VPS13D: variants seen among roughly 807,000 people sequenced by gnomAD.
VPS13D encodes the protein intermembrane lipid transfer protein VPS13D.
VPS13D carries 187 observed loss-of-function variants against 461.9 expected under a neutral mutation model. That is an observed-to-expected ratio of 0.40 (90% CI 0.36 to 0.46). The LOEUF (loss-of-function observed/expected upper bound fraction) is 0.46, where lower values mean the gene tolerates loss of function less well. Ranked by LOEUF, VPS13D falls within the 20% of genes least tolerant of loss-of-function variation. The pLI is 0.60. For synonymous variants in VPS13D, 1,951 were observed against 1,986.3 expected (o/e 0.98, Z 0.47); for missense variants, 4,711 against 5,364.9 (o/e 0.88, Z 3.81).
At chr1:12,498,528 C>T (rs183285933) in intron 68 of VPS13D, among the ~76,000 whole-genome samples, 6 of 152,182 alleles carry the variant, frequency 3.9e-5, no homozygotes, top group Admixed American at 2.0e-4. Context: ...TGTTGCTTGC[C>T]GGATAGAATG....
chr1:12,426,697 G>T (rs1644927845), intron 65 of VPS13D, among the ~76,000 whole-genome samples: 1 of 152,154 alleles, frequency 6.6e-6, no homozygotes, highest in Non-Finnish European at 1.5e-5. Context: ...ATGTTGGGGA[G>T]AGTGTGTTAT....
At chr1:12,246,714 C>G (rs1261753896) in intron 5 of VPS13D, among the ~76,000 whole-genome samples, 1 of 152,156 alleles carries the variant, frequency 6.6e-6, no homozygotes, top group Non-Finnish European at 1.5e-5. Context: ...TAGTCCTGAG[C>G]TTTACCAGGC....
intron 67 of VPS13D, among the ~76,000 whole-genome samples, chr1:12,463,925 G>T (rs1645446198): frequency 6.6e-6 from 1 of 152,164 alleles, no homozygotes; most frequent in South Asian, 2.1e-4. Flanking sequence ...CTTCTCAGGG[G>T]TTTGAAGCCC....
chr1:12,267,421 A>C (rs532065849), intron 14 of VPS13D, among the ~76,000 whole-genome samples: 9 of 152,276 alleles, frequency 5.9e-5, no homozygotes, highest in Admixed American at 5.9e-4. Flanking sequence ...TTTAAAATAT[A>C]ATATACGTTA....
At chr1:12,335,881 A>G (rs759491093) in intron 39 of VPS13D, 54 bp downstream of exon 39, 46 of 1,608,294 alleles carry the variant, frequency 2.9e-5, no homozygotes, top group African/African-American at 2.0e-4. Context: ...CTACAAAGCA[A>G]TGCTTCACTG....
At chr1:12,376,738 GTGGTACCC>G (rs1644204012) in intron 55 of VPS13D, among the ~76,000 whole-genome samples, 1 of 152,214 alleles carries the variant, frequency 6.6e-6, no homozygotes, top group South Asian at 2.1e-4. Flanking sequence ...AAATGAGTTT[GTGGTACCC>G]TGATGTGTCT....
At position 12,308,621 on chromosome 1, in the gene VPS13D, G is replaced by A; in HGVS notation, c.6630G>A (p.Gln2210=). The change falls in exon 27 of 70, where the codon CAG becomes CAA. Residue 2210 remains glutamine (Q), a synonymous_variant. Transcript: ENST00000620676. The part of the protein sequence containing the change: ...LLTEPCRLKL[Q]VERNLDKEIS... ...CCGAGCCTTGTAGGCTGAAATTGCAGGTGGAAAGGAATTTGGACAAGTGAG... is the reference window on the plus strand; with the variant it reads ...CCGAGCCTTGTAGGCTGAAATTGCAAGTGGAAAGGAATTTGGACAAGTGAG... The A allele has an allele frequency of 6.2e-7, 1 of 1,613,742 alleles. No homozygotes were observed. Among genetic ancestry groups the A allele is most frequent in the Non-Finnish European group, 8.5e-7 (1 of 1,179,938 alleles).
intron 65 of VPS13D, among the ~76,000 whole-genome samples, chr1:12,455,511 G>C (rs953279014): frequency 6.6e-6 from 1 of 152,210 alleles, no homozygotes; most frequent in Admixed American, 6.5e-5. Flanking sequence ...GCAAAGCCTA[G>C]TGTCCTCCAT....
chr1:12,288,235 T>C lies in VPS13D; in HGVS notation c.5647T>C (p.Ser1883Pro). Residue 1883 changes from serine to proline, a missense_variant, in exon 22 of 70, where the codon TCT becomes CCT. By Grantham distance (74) the Ser-to-Pro change is moderately conservative (BLOSUM62 -1). This residue lies in a region of VPS13D where 4,411 missense variants were observed against 4,937.8 expected (regional missense o/e 0.89). Transcript: ENST00000620676. Reference sequence around the variant, plus strand: ...TGTCTGTTCCTAGGTTCATTCACTTTCTCTAGTGCTGAATAAGACCACCAG... The same window carrying C: ...TGTCTGTTCCTAGGTTCATTCACTTCCTCTAGTGCTGAATAAGACCACCAG... ...TKLDLKVHSL[S>P]LVLNKTTSEL... is the part of the protein sequence containing the mutation. The C allele has an allele frequency of 6.2e-7, 1 of 1,613,130 alleles. No individual in the cohort carries two copies. Among genetic ancestry groups the C allele is most frequent in the Non-Finnish European group, 8.5e-7 (1 of 1,179,266 alleles).
chr1:12,451,177 A>C (rs934280180), intron 65 of VPS13D, among the ~76,000 whole-genome samples: 3 of 152,216 alleles, frequency 2.0e-5, no homozygotes, highest in Non-Finnish European at 4.4e-5. Flanking sequence ...TTTCAGTTTT[A>C]GAAAATCAAC....
At chr1:12,508,521 C>A (rs910705076) in intron 69 of VPS13D, among the ~76,000 whole-genome samples, 1 of 141,334 alleles carries the variant, frequency 7.1e-6, no homozygotes, top group African/African-American at 2.7e-5. Flanking sequence ...CTGGCTAACA[C>A]GGTGAAACCC....
chr1:12,320,006 T>G (rs1165698760), intron 32 of VPS13D, among the ~76,000 whole-genome samples: 1 of 152,210 alleles, frequency 6.6e-6, no homozygotes, highest in Non-Finnish European at 1.5e-5. Context: ...ATCCCTCTCC[T>G]CACCTGGAGT....
At chr1:12,474,263 T>G (rs570581315) in intron 67 of VPS13D, among the ~76,000 whole-genome samples, 1 of 152,290 alleles carries the variant, frequency 6.6e-6, no homozygotes, top group Admixed American at 6.5e-5. Context: ...GCTCTTTTGA[T>G]AAACAGCTTT....
Position 12,321,875 on chromosome 1 carries a change from C to A in VPS13D, c.7615C>A (p.Gln2539Lys). 2 of 1,613,486 alleles carry A rather than the reference C, an allele frequency of 1.2e-6. No homozygotes were observed. The highest frequency in any genetic ancestry group is 1.7e-6 in the Non-Finnish European group (2 of 1,179,806). Reference protein sequence around the residue: ...ALSIVDPVQIQMELVGNSSYQ... With the variant: ...ALSIVDPVQIKMELVGNSSYQ... Reference sequence around the variant, plus strand: ...TTCAATTGTGGATCCCGTACAAATTCAAATGGAGTTGGTGGGGAATTCTTC... The same window carrying A: ...TTCAATTGTGGATCCCGTACAAATTAAAATGGAGTTGGTGGGGAATTCTTC... The change falls in exon 33 of 70, where the codon CAA becomes AAA. Residue 2539 changes from glutamine (Q) to lysine (K), a missense_variant. Physicochemically the swap from Gln to Lys is moderately conservative, Grantham distance 53. This residue lies in a region of VPS13D where 4,411 missense variants were observed against 4,937.8 expected (regional missense o/e 0.89). Coordinates refer to ENST00000620676, the MANE Select transcript of VPS13D (RefSeq NM_015378.4).
rs200642887 is a variant in VPS13D, at chr1:12,283,423, T to G, written c.5321T>G (p.Leu1774Arg). The change falls in exon 21 of 70, where the codon CTT becomes CGT. Residue 1774 changes from leucine (L) to arginine (R), a missense_variant. By Grantham distance (102) the Leu-to-Arg change is moderately radical. Coordinates refer to ENST00000620676, the MANE Select transcript of VPS13D (RefSeq NM_015378.4). ...CCAACAGTGGATGAGCCCAAGATAC[T>G]TGTTGGAAAGAGTAAATTTGATGAT... ...PSPTVDEPKI[L>R]VGKSKFDDSL... The G allele has an allele frequency of 6.2e-7, 1 of 1,614,214 alleles. No homozygotes were observed. Among genetic ancestry groups the G allele is most frequent in the African/African-American group, 1.3e-5 (1 of 75,044 alleles).
intron 46 of VPS13D, among the ~76,000 whole-genome samples, chr1:12,350,428 G>A (rs1487219637): frequency 1.3e-5 from 2 of 151,992 alleles, no homozygotes; most frequent in Non-Finnish European, 2.9e-5. Flanking sequence ...TAATCCATGG[G>A]TCAAAAAAGA....
chr1:12,422,668 T>A (rs528837656), intron 65 of VPS13D, among the ~76,000 whole-genome samples: 1 of 152,302 alleles, frequency 6.6e-6, no homozygotes, highest in South Asian at 2.1e-4. Context: ...TATAAACATT[T>A]GTTGAGCACC....
intron 21 of VPS13D, among the ~76,000 whole-genome samples, chr1:12,287,860 T>A (rs1046834748): frequency 9.2e-5 from 14 of 152,156 alleles, no homozygotes; most frequent in African/African-American, 3.1e-4. Flanking sequence ...TTTTGAAAAA[T>A]TTATCAAAAT....
chr1:12,454,041 T>C (rs1645295548), intron 65 of VPS13D: 1 of 152,232 alleles, frequency 6.6e-6, no homozygotes, highest in Admixed American at 6.5e-5. Context: ...TGCAGGCATG[T>C]TCCTCCTTGG....
Sources: gnomAD v4.1 joint callset for allele counts (sites outside exome capture counted in the v4.1 genomes callset) on GRCh38, gnomAD v4.1.1 for gene constraint, gnomAD v4.1.1 regional missense constraint, MANE v1.5 for transcripts, NCBI Gene and HGNC (gene_info 2026-07-23, HGNC 2026-07-21) for gene names.